The following UBE4B variants were observed in gnomAD, a reference collection of about 807,000 sequenced individuals.
UBE4B encodes ubiquitin conjugation factor E4 B.
In UBE4B, 27 loss-of-function variants were observed where a neutral mutation model predicts 148.1. The ratio of observed to expected loss-of-function variants is 0.18; its 90% CI spans 0.13 to 0.25. UBE4B has a LOEUF of 0.25. UBE4B is among the 10% of genes least tolerant of loss of function. The probability of loss-of-function intolerance (pLI) is 1.00; values close to 1 mark genes in which losing one functional copy is unlikely to be tolerated. For synonymous variants in UBE4B, 596 were observed against 619.3 expected, an observed-to-expected ratio of 0.96 and a Z score of 0.56; for missense variants, 1,170 against 1,662.4, an observed-to-expected ratio of 0.70 and a Z score of 5.15.
intron 17 of UBE4B, among the ~76,000 whole-genome samples, chr1:10,138,389 A>G (rs1297357115): frequency 6.6e-6 from 1 of 151,478 alleles, no homozygotes; most frequent in East Asian, 1.9e-4. Context: ...GAGCCCATGC[A>G]CCTGGCCCAA....
chr1:10,052,314 C>T (rs1644065420), intron 1 of UBE4B, among the ~76,000 whole-genome samples: 1 of 152,106 alleles, frequency 6.6e-6, no homozygotes, highest in African/African-American at 2.4e-5. Context: ...TCAAATGATC[C>T]TCCGGCCTTA....
chr1:10,144,833 A>T, intron 17 of UBE4B, 107 bp from the exon 18 acceptor site: 1 of 686,494 alleles, frequency 1.5e-6, no homozygotes, highest in Non-Finnish European at 2.5e-6. Context: ...AGATGTTACA[A>T]TGCGAAAACA....
At chr1:10,153,559 A>G (rs1182731569) in intron 21 of UBE4B, among the ~76,000 whole-genome samples, 6 of 151,014 alleles carry the variant, frequency 4.0e-5, no homozygotes. Context: ...AGTAGCTTAC[A>G]CTTGTAATCC....
At chr1:10,079,605 C>T (rs1197413991) in intron 2 of UBE4B, among the ~76,000 whole-genome samples, 1 of 152,158 alleles carries the variant, frequency 6.6e-6, no homozygotes, top group Non-Finnish European at 1.5e-5. Flanking sequence ...AGCAACTAGT[C>T]AAACTGCTTC....
intron 1 of UBE4B, among the ~76,000 whole-genome samples, chr1:10,058,356 C>T (rs989522872): frequency 3.9e-5 from 6 of 152,170 alleles, no homozygotes; most frequent in Non-Finnish European, 7.3e-5. Flanking sequence ...TCTGTTTCCA[C>T]TCTGTCATAT....
intron 25 of UBE4B, among the ~76,000 whole-genome samples, chr1:10,172,794 A>G (rs916894844): frequency 1.3e-5 from 2 of 152,172 alleles, no homozygotes; most frequent in Admixed American, 6.5e-5. Context: ...ATTTGCAGTG[A>G]AAAAATACAT....
intron 3 of UBE4B, 94 bp downstream of exon 3, chr1:10,095,690 G>A (rs780175715): frequency 3.4e-4 from 503 of 1,470,618 alleles, no homozygotes; most frequent in Non-Finnish European, 4.5e-4. Flanking sequence ...AGAAATGCCA[G>A]CTAGAGACCC....
intron 1 of UBE4B, among the ~76,000 whole-genome samples, chr1:10,043,670 C>T (rs903096775): frequency 6.6e-6 from 1 of 151,008 alleles, no homozygotes. Flanking sequence ...CCTCGTGATC[C>T]ACCCGCCTCA....
In UBE4B at chr1:10,149,170, T is replaced by C; in HGVS notation, c.2592-14T>C. 1 of 1,558,248 alleles carries C rather than the reference T, an allele frequency of 6.4e-7. No homozygotes were observed. Among genetic ancestry groups the C allele is most frequent in the Non-Finnish European group, 8.6e-7 (1 of 1,156,090 alleles). On this transcript the variant is annotated splice_polypyrimidine_tract_variant and intron_variant, in intron 19 of 27. Transcript: ENST00000343090. ...ATTTCATTTAATAAATTGTCCTTTT[T>C]TTCTCTTTGACAGTATAACACTGCC... is the stretch of plus-strand genomic sequence containing the variant.
At chr1:10,081,137 A>G (rs1415731250) in intron 2 of UBE4B, among the ~76,000 whole-genome samples, 1 of 152,188 alleles carries the variant, frequency 6.6e-6, no homozygotes, top group African/African-American at 2.4e-5. Context: ...ATCTTGGCTC[A>G]CCGCAACCTC....
At chr1:10,149,599 CA>C (rs1645937338) in intron 20 of UBE4B, among the ~76,000 whole-genome samples, 1 of 152,142 alleles carries the variant, frequency 6.6e-6, no homozygotes, top group African/African-American at 2.4e-5. Flanking sequence ...ATGAACATCC[CA>C]AAACCAGAAA....
chr1:10,061,326 C>T (rs1444231884), intron 1 of UBE4B, among the ~76,000 whole-genome samples: 1 of 151,998 alleles, frequency 6.6e-6, no homozygotes. Flanking sequence ...ATGATTTTGG[C>T]CCACTACAAC....
At chr1:10,107,196 G>A (rs942715884) in intron 7 of UBE4B, 1 of 1,289,468 alleles carries the variant, frequency 7.8e-7, no homozygotes, top group Non-Finnish European at 1.0e-6. Context: ...GTTCTCTGAT[G>A]GCCTTTTTTG....
chr1:10,152,737 G>T (rs1291542568), intron 21 of UBE4B, among the ~76,000 whole-genome samples: 3 of 152,016 alleles, frequency 2.0e-5, no homozygotes, highest in Non-Finnish European at 4.4e-5. Flanking sequence ...GGCAGAGGTT[G>T]CATTGAACTG....
At chr1:10,134,770 A>G (rs940396793) in intron 15 of UBE4B, among the ~76,000 whole-genome samples, 46 of 151,398 alleles carry the variant, frequency 3.0e-4, no homozygotes, top group African/African-American at 1.0e-3. Flanking sequence ...AGTGGCTCAC[A>G]CCTGTAATCC....
intron 25 of UBE4B, among the ~76,000 whole-genome samples, chr1:10,173,697 C>T (rs1646372089): frequency 6.6e-6 from 1 of 152,088 alleles, no homozygotes; most frequent in African/African-American, 2.4e-5. Context: ...TGGAAAGCCC[C>T]AGGGCTCTTC....
In UBE4B at chr1:10,040,136, G is replaced by A. The variant is rs559284995; in HGVS notation, c.24+6442G>A. 8.2e-4 allele frequency among the ~76,000 whole-genome samples: 121 copies of A among 146,774 alleles called. 1 individual carries two copies. Among genetic ancestry groups the A allele is most frequent in the African/African-American group, 2.7e-3 (109 of 39,732 alleles). On this transcript the variant is annotated intron_variant, in intron 1 of 27. Transcript: ENST00000343090. The stretch of plus-strand genomic sequence containing the variant: ...GCACATGTTTCTTTTTTTTTTTTTC[G>A]TCTTTTGAGACAGGGTCTCCCTCTG...
At chr1:10,065,435 C>T (rs1644369047) in intron 1 of UBE4B, among the ~76,000 whole-genome samples, 1 of 152,210 alleles carries the variant, frequency 6.6e-6, no homozygotes. Flanking sequence ...CTGTACTTCA[C>T]TGTATTGTTG....
intron 10 of UBE4B, among the ~76,000 whole-genome samples, chr1:10,125,774 T>C (rs1645482785): frequency 6.6e-6 from 1 of 152,240 alleles, no homozygotes; most frequent in Non-Finnish European, 1.5e-5. Flanking sequence ...TTACCTGGTA[T>C]TAATCATAAA....
Sources: gnomAD v4.1 joint callset for allele counts (sites outside exome capture counted in the v4.1 genomes callset) on GRCh38, gnomAD v4.1.1 for gene constraint, MANE v1.5 for transcripts, NCBI Gene and HGNC (gene_info 2026-07-23, HGNC 2026-07-21) for gene names.